NEFH: variants seen among roughly 807,000 people sequenced by gnomAD.
The protein encoded by NEFH is neurofilament heavy polypeptide.
A neutral mutation model predicts 56.6 loss-of-function variants in NEFH; 58 were observed. The observed-to-expected ratio is 1.03, with a 90% CI of 0.83 to 1.28. The LOEUF is 1.28. NEFH is among the 50% of genes most tolerant of loss of function. The probability of loss-of-function intolerance (pLI) is 0.00; values close to 1 mark genes in which losing one functional copy is unlikely to be tolerated. For synonymous variants in NEFH, 542 were observed against 545.8 expected, an observed-to-expected ratio of 0.99 and a Z score of 0.10; for missense variants, 1,221 against 1,307.6, an observed-to-expected ratio of 0.93 and a Z score of 1.02.
In NEFH at chr22:29,485,796, A is replaced by G; in HGVS notation, c.1157A>G (p.Gln386Arg). Residue 386 changes from glutamine to arginine, a missense_variant, in exon 3 of 4, where the codon CAG (glutamine) becomes CGG (arginine). Around this residue, in one of 4 missense-constraint regions of NEFH, gnomAD observed 243 missense variants for 299.1 expected, o/e 0.81. Coordinates refer to ENST00000310624, the MANE Select transcript of NEFH (RefSeq NM_021076.4). ...ATGGCCGCCCAGCTGCGAGAATACCAGGACCTGCTCAATGTCAAGATGGCT... is the reference window on the plus strand; with the variant it reads ...ATGGCCGCCCAGCTGCGAGAATACCGGGACCTGCTCAATGTCAAGATGGCT... ...WEMAAQLREY[Q>R]DLLNVKMALD... 6.2e-7 allele frequency: 1 copy of G among 1,614,210 alleles called. No individual in the cohort carries two copies. The highest frequency in any genetic ancestry group is 8.5e-7 in the Non-Finnish European group (1 of 1,180,010).
Position 29,481,056 on chromosome 22 carries a change from G to A in NEFH, c.794G>A (p.Cys265Tyr), listed in dbSNP as rs919529699. Residue 265 changes from cysteine to tyrosine, a missense_variant, in exon 1 of 4, where the codon TGC becomes TAC. Cys to Tyr is a radical substitution (Grantham distance 194, BLOSUM62 -2). Transcript: ENST00000310624. ...MQAETRDALK[C>Y]DVTSALREIR... is the part of the protein sequence containing the mutation. Reference sequence around the variant, plus strand: ...GCCGAGACGCGCGACGCCCTGAAGTGCGACGTGACGTCGGCGCTGCGCGAG... The same window carrying A: ...GCCGAGACGCGCGACGCCCTGAAGTACGACGTGACGTCGGCGCTGCGCGAG... 7 of 1,531,892 alleles carry A rather than the reference G, an allele frequency of 4.6e-6. No individual in the cohort carries two copies. In the African/African-American group the frequency reaches 6.9e-5, roughly 15 times the overall value. 94.9% of individuals were successfully genotyped at this position (1,531,892 alleles called of 1,614,324 possible). A position where few individuals can be genotyped will look rare whatever the true frequency, so the allele number is the denominator to read the frequency against.
At position 29,490,040 on chromosome 22, in the gene NEFH, A is replaced by T. The variant is rs1569198060; in HGVS notation, c.2400A>T (p.Lys800Asn). Residue 800 changes from lysine (K) to asparagine (N), a missense_variant, in exon 4 of 4, where the codon AAA becomes AAT. Around this residue, in one of 4 missense-constraint regions of NEFH, gnomAD observed 301 missense variants for 346.6 expected, o/e 0.87. Transcript: ENST00000310624. Reference sequence around the variant, plus strand: ...AGGTCAAGTCCCCAGAGAAGGCGAAATCTCCCCTGAAGGAGGATGCCAAGG... The same window carrying T: ...AGGTCAAGTCCCCAGAGAAGGCGAATTCTCCCCTGAAGGAGGATGCCAAGG... The part of the protein sequence containing the change: ...KEEVKSPEKA[K>N]SPLKEDAKAP... 1 of 1,613,152 alleles carries T rather than the reference A, an allele frequency of 6.2e-7. No homozygotes were observed. The highest frequency in any genetic ancestry group is 1.7e-5 in the Admixed American group (1 of 59,922).
rs1463064081 is a variant in NEFH, at chr22:29,480,386, G to A, written c.124G>A (p.Gly42Ser). 2.1e-5 allele frequency: 33 copies of A among 1,536,270 alleles called. No homozygotes were observed. Among genetic ancestry groups the A allele is most frequent in the Non-Finnish European group, 2.6e-5 (30 of 1,148,486 alleles). Residue 42 changes from glycine (G) to serine (S), a missense_variant, in exon 1 of 4, where the codon GGC (glycine) becomes AGC (serine). Coordinates refer to ENST00000310624, the MANE Select transcript of NEFH (RefSeq NM_021076.4). ...GGAGGTRSAA[G>S]SSSGFHSWTR... is the part of the protein sequence containing the mutation. Reference sequence around the variant, plus strand: ...CGCAGGCGGGACGCGCTCCGCCGCTGGCTCCTCCAGCGGCTTCCACTCGTG... The same window carrying A: ...CGCAGGCGGGACGCGCTCCGCCGCTAGCTCCTCCAGCGGCTTCCACTCGTG...
rs912261543 is a variant in NEFH, at chr22:29,491,376, T to C, written c.*673T>C. 1.1e-4 allele frequency: 20 copies of C among 176,294 alleles called. No individual in the cohort carries two copies. The highest frequency in any genetic ancestry group is 4.5e-4 in the African/African-American group (19 of 41,836). The allele number at this position is 176,294 out of a possible 1,614,324, so 10.9% of individuals were successfully genotyped here. A position where few individuals can be genotyped will look rare whatever the true frequency, so the allele number is the denominator to read the frequency against. ...TGTGACACCCCAGACTGCATGGGAC[T>C]GAGCAAGCATCAGTTCCCTCGTGGG... On this transcript the variant is annotated 3_prime_UTR_variant, in exon 4 of 4. Transcript: ENST00000310624.
chr22:29,481,778 G>A (rs1018554935), intron 1 of NEFH, among the ~76,000 whole-genome samples: 1 of 152,058 alleles, frequency 6.6e-6, no homozygotes, highest in Non-Finnish European at 1.5e-5. Flanking sequence ...ATGTTTTAAT[G>A]TCCCCTTTCT....
At position 29,489,905 on chromosome 22, in the gene NEFH, G is replaced by C. The variant is rs773490779; in HGVS notation, c.2265G>C (p.Lys755Asn). The change falls in exon 4 of 4, where the codon AAG becomes AAC. Residue 755 changes from lysine to asparagine, a missense_variant. This residue lies in a region of NEFH where 301 missense variants were observed against 346.6 expected (regional missense o/e 0.87). Transcript: ENST00000310624. ...KSPEKAKSPE[K>N]AKTLDVKSPE... is the part of the protein sequence containing the mutation. ...CAGAGAAGGCCAAGTCCCCAGAGAA[G>C]GCCAAGACTCTTGATGTGAAGTCTC... 4 of 1,613,632 alleles carry C rather than the reference G, an allele frequency of 2.5e-6. No homozygotes were observed. Among genetic ancestry groups the C allele is most frequent in the South Asian group, 2.2e-5 (2 of 91,070 alleles).
chr22:29,485,623 G>A (rs1441254648), intron 2 of NEFH, 100 bp from the exon 3 acceptor site: 2 of 1,471,476 alleles, frequency 1.4e-6, no homozygotes, highest in Non-Finnish European at 1.8e-6. Context: ...GAGCCTGGCT[G>A]GATGGGCCTG....
rs547881200 is a variant in NEFH, at chr22:29,482,442, G to T, written c.884-933G>T. ...CTCTGGAAGGTTTCCTGGGAACCAC[G>T]AGCGGGTTGCTGGCGGGGGCCGGGG... On this transcript the variant is annotated intron_variant, in intron 1 of 3. Coordinates refer to ENST00000310624, the MANE Select transcript of NEFH (RefSeq NM_021076.4). 4.6e-5 allele frequency among the ~76,000 whole-genome samples: 7 copies of T among 152,152 alleles called. No individual in the cohort carries two copies. In the South Asian group the frequency reaches 1.5e-3, roughly 32 times the overall value.
In NEFH at chr22:29,481,006, C is replaced by T. The variant is rs1311091279; in HGVS notation, c.744C>T (p.Ser248=). The T allele has an allele frequency of 3.3e-6, 5 of 1,531,602 alleles. No homozygotes were observed. Among genetic ancestry groups the T allele is most frequent in the East Asian group, 4.9e-5 (2 of 40,692 alleles). The allele number at this position is 1,531,602 out of a possible 1,614,324, so 94.9% of individuals were successfully genotyped here. A position where few individuals can be genotyped will look rare whatever the true frequency, so the allele number is the denominator to read the frequency against. ...AGCTGCTCGGCCAGATCCAGGGCTC[C>T]GGCGCCGCGCAGGCGCAGATGCAGG... The part of the protein sequence containing the change: ...VGELLGQIQG[S]GAAQAQMQAE... The change falls in exon 1 of 4, where the codon TCC becomes TCT. Residue 248 remains serine, a synonymous_variant. Transcript: ENST00000310624.
chr22:29,481,790 C>T (rs1258970234), intron 1 of NEFH, among the ~76,000 whole-genome samples: 2 of 152,148 alleles, frequency 1.3e-5, no homozygotes, highest in Non-Finnish European at 2.9e-5. Flanking sequence ...CCCCTTTCTC[C>T]TTTAGGGAAG....
chr22:29,487,359 A>C (rs547466773), intron 3 of NEFH, among the ~76,000 whole-genome samples: 1 of 152,156 alleles, frequency 6.6e-6, no homozygotes, highest in East Asian at 1.9e-4. Context: ...GGTTGGGTGT[A>C]GTGACTCATG....
chr22:29,482,022 T>C (rs1434651885), intron 1 of NEFH, among the ~76,000 whole-genome samples: 1 of 152,202 alleles, frequency 6.6e-6, no homozygotes, highest in Non-Finnish European at 1.5e-5. Flanking sequence ...TGTAAAACTT[T>C]GCGTTGTTTT....
chr22:29,481,061 G>T lies in NEFH; in HGVS notation c.799G>T (p.Val267Leu). 1 of 1,531,978 alleles carries T rather than the reference G, an allele frequency of 6.5e-7. No individual in the cohort carries two copies. Among genetic ancestry groups the T allele is most frequent in the South Asian group, 1.2e-5 (1 of 83,920 alleles). 94.9% of individuals were successfully genotyped at this position (1,531,978 alleles called of 1,614,324 possible). A position where few individuals can be genotyped will look rare whatever the true frequency, so the allele number is the denominator to read the frequency against. Residue 267 changes from valine (V) to leucine (L), a missense_variant, in exon 1 of 4, where the codon GTG (valine) becomes TTG (leucine). Coordinates refer to ENST00000310624, the MANE Select transcript of NEFH (RefSeq NM_021076.4). ...AETRDALKCD[V>L]TSALREIRAQ... is the part of the protein sequence containing the mutation. ...GACGCGCGACGCCCTGAAGTGCGAC[G>T]TGACGTCGGCGCTGCGCGAGATTCG...
Position 29,489,601 on chromosome 22 carries a change from C to CCCCTGAGAAGGCCAAGTT in NEFH, c.1964_1965insTGAGAAGGCCAAGTTCCC (p.Lys657_Glu658insAlaLysPheProGluLys), listed in dbSNP as rs2146400246. The CCCCTGAGAAGGCCAAGTT allele has an allele frequency of 6.8e-7, 1 of 1,478,940 alleles. No homozygotes were observed. Among genetic ancestry groups the CCCCTGAGAAGGCCAAGTT allele is most frequent in the Non-Finnish European group, 9.0e-7 (1 of 1,105,218 alleles). The allele number at this position is 1,478,940 out of a possible 1,614,324, so 91.6% of individuals were successfully genotyped here. ...GCAAAGTCCCCTGAGAAGGCCAAGT[C>CCCCTGAGAAGGCCAAGTT]CCCAGAGAAGGAAGAGGCCAAGTCC... On this transcript the variant is annotated inframe_insertion, in exon 4 of 4. Coordinates refer to ENST00000310624, the MANE Select transcript of NEFH (RefSeq NM_021076.4).
intron 1 of NEFH, among the ~76,000 whole-genome samples, chr22:29,481,727 T>G (rs2063012036): frequency 1.3e-5 from 2 of 152,186 alleles, no homozygotes; most frequent in Admixed American, 6.5e-5. Context: ...ATTACTACAG[T>G]CAGTTGTTGC....
intron 1 of NEFH, 47 bp downstream of exon 1, chr22:29,481,192 C>T (rs985047627): frequency 1.3e-5 from 20 of 1,521,748 alleles, no homozygotes; most frequent in Non-Finnish European, 1.7e-5. Context: ...GCTGACCCCG[C>T]AGCGAACTTT....
rs952341728 is a variant in NEFH at position 29,481,066 on chromosome 22, G to A, written c.804G>A (p.Thr268=). 2 of 1,531,966 alleles carry A rather than the reference G, an allele frequency of 1.3e-6. No individual in the cohort carries two copies. Among genetic ancestry groups the A allele is most frequent in the Admixed American group, 2.0e-5 (1 of 50,908 alleles). 94.9% of individuals were successfully genotyped at this position (1,531,966 alleles called of 1,614,324 possible). The part of the protein sequence containing the change: ...ETRDALKCDV[T]SALREIRAQL... ...GCGACGCCCTGAAGTGCGACGTGAC[G>A]TCGGCGCTGCGCGAGATTCGCGCGC... is the stretch of plus-strand genomic sequence containing the variant. The change falls in exon 1 of 4, where the codon ACG becomes ACA. Residue 268 remains threonine, a synonymous_variant. Coordinates refer to ENST00000310624, the MANE Select transcript of NEFH (RefSeq NM_021076.4).
Position 29,485,825 on chromosome 22 carries a change from G to T in NEFH, c.1186G>T (p.Asp396Tyr). ...QDLLNVKMAL[D>Y]IEIAAYRKLL... The stretch of plus-strand genomic sequence containing the variant: ...CCTGCTCAATGTCAAGATGGCTCTG[G>T]ATATAGAGATAGCCGCTTACAGGTG... Residue 396 changes from aspartate (D) to tyrosine (Y), a missense_variant, in exon 3 of 4, where the codon GAT becomes TAT. Coordinates refer to ENST00000310624, the MANE Select transcript of NEFH (RefSeq NM_021076.4). The T allele has an allele frequency of 1.2e-6, 2 of 1,614,242 alleles. No individual in the cohort carries two copies. The highest frequency in any genetic ancestry group is 1.7e-6 in the Non-Finnish European group (2 of 1,180,034).
In NEFH at chr22:29,489,516, G is replaced by C. The variant is rs1602972638; in HGVS notation, c.1876G>C (p.Ala626Pro). The change falls in exon 4 of 4, where the codon GCA (alanine) becomes CCA (proline). Residue 626 changes from alanine to proline, a missense_variant. Ala to Pro is a conservative substitution (Grantham distance 27). Coordinates refer to ENST00000310624, the MANE Select transcript of NEFH (RefSeq NM_021076.4). Reference protein sequence around the residue: ...AEAKSPVKEEAKSPAEVKSPE... With the variant: ...AEAKSPVKEEPKSPAEVKSPE... ...GGCCAAGTCCCCAGTGAAGGAAGAA[G>C]CAAAATCTCCAGCTGAGGTCAAGTC... is the stretch of plus-strand genomic sequence containing the variant. 1.2e-6 allele frequency: 2 copies of C among 1,613,090 alleles called. No individual in the cohort carries two copies. Among genetic ancestry groups the C allele is most frequent in the South Asian group, 2.2e-5 (2 of 91,010 alleles).
Sources: gnomAD v4.1 joint callset for allele counts (sites outside exome capture counted in the v4.1 genomes callset) on GRCh38, gnomAD v4.1.1 for gene constraint, gnomAD v4.1.1 regional missense constraint, MANE v1.5 for transcripts, NCBI Gene and HGNC (gene_info 2026-07-23, HGNC 2026-07-21) for gene names.